Variants in INSL6 observed in about 807,000 individuals in gnomAD.
The protein encoded by INSL6 is insulin-like peptide INSL6.
Under a neutral mutation model 9.4 loss-of-function variants are expected in INSL6, and 16 were observed. The observed-to-expected ratio is 1.70, with a 90% confidence interval of 1.15 to 2.59. The LOEUF (loss-of-function observed/expected upper bound fraction) is 2.59, where lower values mean the gene tolerates loss of function less well. Ranked by LOEUF, INSL6 falls within the 30% of genes most tolerant of loss-of-function variation. The pLI is 0.00. For missense variants in INSL6, 391 were observed against 257.3 expected (o/e 1.52, Z -3.56); for synonymous variants, 154 against 96.9 (o/e 1.59, Z -3.46).
chr9:5,080,989 A>G, the INSL6 span, among the ~76,000 whole-genome samples: 2 of 147,194 alleles, frequency 1.4e-5, no homozygotes, highest in Admixed American at 6.9e-5. Context: ...TCCACCTCCA[A>G]GGTTCACGCC....
At chr9:5,166,295 GT>G (rs35606998) in intron 1 of INSL6, among the ~76,000 whole-genome samples, 6,412 of 152,142 alleles carry the variant, frequency 0.042, 212 homozygotes, top group Admixed American at 0.067. Flanking sequence ...TACCTTGTTT[GT>G]TTTTATAATA....
rs1253392493 is a variant in INSL6 at position 5,185,501 on chromosome 9, G to A, written c.102C>T (p.Gly34=). Residue 34 remains glycine (G), a synonymous_variant, in exon 1 of 2, where the codon GGC becomes GGT. Coordinates refer to ENST00000381641, the MANE Select transcript of INSL6 (RefSeq NM_007179.3). ...TTTCTATTTCTTTCACCAAGTACCT[G>A]CCGCACAGCTTCCTGGCACTGCTGA... ...SDISSARKLC[G]RYLVKEIEKL... The A allele has an allele frequency of 1.2e-6, 2 of 1,614,188 alleles. No homozygotes were observed. Among genetic ancestry groups the A allele is most frequent in the Admixed American group, 1.7e-5 (1 of 60,026 alleles).
chr9:5,111,062 A>C, the INSL6 span: 1 of 1,156,068 alleles, frequency 8.7e-7, no homozygotes. Flanking sequence ...TCAGGTCTTG[A>C]GAACTGGCCC....
intron 2 of INSL6, among the ~76,000 whole-genome samples, chr9:5,151,798 T>C (rs1026550580): frequency 1.3e-5 from 2 of 152,264 alleles, no homozygotes; most frequent in East Asian, 3.9e-4. Flanking sequence ...ATCATATTGA[T>C]AATTACATCA....
At chr9:5,164,767 T>G (rs780995141) in intron 1 of INSL6, among the ~76,000 whole-genome samples, 2 of 152,252 alleles carry the variant, frequency 1.3e-5, no homozygotes, top group Admixed American at 6.5e-5. Context: ...TTCTTTCACT[T>G]AGCATGATGT....
At chr9:5,177,195 G>C (rs1393865398) in intron 1 of INSL6, among the ~76,000 whole-genome samples, 1 of 152,034 alleles carries the variant, frequency 6.6e-6, no homozygotes, top group Non-Finnish European at 1.5e-5. Flanking sequence ...TCTCACATTG[G>C]GACTGACTAG....
At chr9:5,167,276 CCCATGCCACCAGGG>C (rs1825076336) in intron 1 of INSL6, among the ~76,000 whole-genome samples, 1 of 152,198 alleles carries the variant, frequency 6.6e-6, no homozygotes, top group South Asian at 2.1e-4. Context: ...CCCTCATGAG[CCCATGCCACCAGGG>C]CCTTGGGTTC....
chr9:5,111,021 C>G, the INSL6 span: 48 of 801,494 alleles, frequency 6.0e-5, 1 homozygote, highest in African/African-American at 6.7e-4. Flanking sequence ...AGGGCCGGCC[C>G]GCCTCCCTGG....
At chr9:5,175,111 TTG>T (rs1198261105) in intron 1 of INSL6, among the ~76,000 whole-genome samples, 2 of 152,008 alleles carry the variant, frequency 1.3e-5, no homozygotes, top group Non-Finnish European at 2.9e-5. Flanking sequence ...AGCAAATTTT[TTG>T]TGTTTTTTAG....
At chr9:5,055,752 A>C in the INSL6 span, 1 of 1,610,944 alleles carries the variant, frequency 6.2e-7, no homozygotes, top group Non-Finnish European at 8.5e-7. Flanking sequence ...ATGAAAGCCG[A>C]GTTGTAACTA....
chr9:5,031,804 G>A, the INSL6 span, among the ~76,000 whole-genome samples: 1 of 152,222 alleles, frequency 6.6e-6, no homozygotes, highest in African/African-American at 2.4e-5. Context: ...AATAGGAACA[G>A]GTCCAGTCTA....
At chr9:5,070,476 T>C in the INSL6 span, among the ~76,000 whole-genome samples, 1 of 152,148 alleles carries the variant, frequency 6.6e-6, no homozygotes, top group African/African-American at 2.4e-5. Flanking sequence ...AATCTGAGGA[T>C]ACTTAAGTGG....
Position 5,163,956 on chromosome 9 carries a change from C to A in INSL6, c.599G>T (p.Arg200Met). ...AAGTGATGATCTTTTTTCCTTTAGC[C>A]TTTTAAAATCAATATATGGAAGACA... is the stretch of plus-strand genomic sequence containing the variant. ...IACLPYIDFKRLKEKRSSLVT... is the reference protein window; with the variant it reads ...IACLPYIDFKMLKEKRSSLVT... Residue 200 changes from arginine (R) to methionine (M), a missense_variant, in exon 2 of 2, where the codon AGG becomes ATG. Arg to Met is a moderately conservative substitution (Grantham distance 91). Coordinates refer to ENST00000381641, the MANE Select transcript of INSL6 (RefSeq NM_007179.3). 6.2e-7 allele frequency: 1 copy of A among 1,608,648 alleles called. No individual in the cohort carries two copies. The highest frequency in any genetic ancestry group is 8.5e-7 in the Non-Finnish European group (1 of 1,179,060).
the INSL6 span, among the ~76,000 whole-genome samples, chr9:5,115,820 C>T: frequency 2.0e-5 from 3 of 152,156 alleles, no homozygotes; most frequent in Non-Finnish European, 4.4e-5. Flanking sequence ...GAAAACCATA[C>T]ACCACTTGTT....
chr9:5,033,616 C>A, the INSL6 span, among the ~76,000 whole-genome samples: 2 of 152,104 alleles, frequency 1.3e-5, no homozygotes. Context: ...ATTTTCAACC[C>A]AGAATGTCAT....
chr9:5,140,999 A>G (rs1824485172), intron 2 of INSL6, among the ~76,000 whole-genome samples: 1 of 152,108 alleles, frequency 6.6e-6, no homozygotes, highest in Non-Finnish European at 1.5e-5. Context: ...GCTAAGGATA[A>G]TGGCCTCTAG....
the INSL6 span, among the ~76,000 whole-genome samples, chr9:5,074,493 C>G: frequency 3.3e-5 from 5 of 152,064 alleles, no homozygotes; most frequent in Admixed American, 1.3e-4. Flanking sequence ...GATCTGTGAT[C>G]AGTAATCTTT....
chr9:5,001,174 C>G, the INSL6 span, among the ~76,000 whole-genome samples: 4 of 152,128 alleles, frequency 2.6e-5, no homozygotes, highest in African/African-American at 9.7e-5. Context: ...TCATTTCAAT[C>G]TCTATGTCTT....
At chr9:4,992,131 G>C in the INSL6 span, among the ~76,000 whole-genome samples, 1 of 152,178 alleles carries the variant, frequency 6.6e-6, no homozygotes, top group Non-Finnish European at 1.5e-5. Flanking sequence ...TGAAGGCAAA[G>C]GACTGGAATC....
Sources: gnomAD v4.1 joint callset for allele counts (sites outside exome capture counted in the v4.1 genomes callset) on GRCh38, gnomAD v4.1.1 for gene constraint, MANE v1.5 for transcripts, NCBI Gene and HGNC (gene_info 2026-07-23, HGNC 2026-07-21) for gene names.